The following SACS variants were observed in gnomAD, a reference collection of about 807,000 sequenced individuals.
SACS encodes the protein sacsin molecular chaperone.
SACS carries 197 observed loss-of-function variants against 348.0 expected under a neutral mutation model. That is an observed-to-expected ratio of 0.57 (90% CI 0.50 to 0.64). SACS has a LOEUF of 0.64. Ranked by LOEUF, SACS falls within the 30% of genes least tolerant of loss-of-function variation. The pLI is 0.00. For synonymous variants in SACS, 1,985 were observed against 1,910.6 expected, an observed-to-expected ratio of 1.04 and a Z score of -1.02; for missense variants, 4,999 against 5,360.8, an observed-to-expected ratio of 0.93 and a Z score of 2.11.
intron 9 of SACS, among the ~76,000 whole-genome samples, chr13:23,351,041 ACAATAAT>A (rs908263440): frequency 5.3e-5 from 8 of 152,192 alleles, no homozygotes; most frequent in Admixed American, 5.2e-4. Context: ...CTCCAATATC[ACAATAAT>A]CAGTGACAGA....
intron 5 of SACS, among the ~76,000 whole-genome samples, chr13:23,366,235 A>T (rs905300193): frequency 1.3e-5 from 2 of 152,234 alleles, no homozygotes; most frequent in African/African-American, 4.8e-5. Flanking sequence ...TGGTACGATG[A>T]CTACATGAAA....
At chr13:23,387,091 G>A (rs537587148) in intron 2 of SACS, among the ~76,000 whole-genome samples, 1 of 152,140 alleles carries the variant, frequency 6.6e-6, no homozygotes, top group Non-Finnish European at 1.5e-5. Context: ...ACACGCTAAC[G>A]GAGCACTTGC....
intron 1 of SACS, among the ~76,000 whole-genome samples, chr13:23,414,173 G>C (rs985597884): frequency 6.6e-6 from 1 of 152,072 alleles, no homozygotes; most frequent in African/African-American, 2.4e-5. Context: ...GCGTGGTGGC[G>C]GGCACCTGTA....
At chr13:23,351,482 AGTT>A (rs1869956533) in intron 9 of SACS, among the ~76,000 whole-genome samples, 1 of 152,162 alleles carries the variant, frequency 6.6e-6, no homozygotes, top group African/African-American at 2.4e-5. Flanking sequence ...AAGAGCTGAT[AGTT>A]TTATAAGGGA....
rs1566053000 is a variant in SACS at position 23,329,462 on chromosome 13, G to A, written c.*674C>T. On this transcript the variant is annotated 3_prime_UTR_variant, in exon 10 of 10. Coordinates refer to ENST00000382292, the MANE Select transcript of SACS (RefSeq NM_014363.6). Reference sequence around the variant, plus strand: ...CTGCCACCATTTTGAGTTTTCCGTTGCTATCTTCATCAAACAGGAAGCCTG... The same window carrying A: ...CTGCCACCATTTTGAGTTTTCCGTTACTATCTTCATCAAACAGGAAGCCTG... The A allele has an allele frequency of 2.6e-6, 2 of 768,044 alleles. No individual in the cohort carries two copies. The highest frequency in any genetic ancestry group is 4.9e-5 in the East Asian group (2 of 40,914). 47.6% of individuals were successfully genotyped at this position (768,044 alleles called of 1,614,324 possible).
Position 23,334,944 on chromosome 13 carries a change from C to T in SACS, c.8932G>A (p.Val2978Met). ...LDLQPDLYCLVKALYNCIHED... is the reference protein window; with the variant it reads ...LDLQPDLYCLMKALYNCIHED... ...TGAATGCAATTGTAAAGTGCTTTCACTAGACAATATAAATCTGGCTGTAGA... is the reference window on the plus strand; with the variant it reads ...TGAATGCAATTGTAAAGTGCTTTCATTAGACAATATAAATCTGGCTGTAGA... Residue 2978 changes from valine (V) to methionine (M), a missense_variant, in exon 10 of 10, where the codon GTG becomes ATG. Val to Met is a conservative substitution (Grantham distance 21, BLOSUM62 1). Around this residue, in one of 6 missense-constraint regions of SACS, gnomAD observed 734 missense variants for 694.0 expected, o/e 1.06. Coordinates refer to ENST00000382292, the MANE Select transcript of SACS (RefSeq NM_014363.6). The T allele has an allele frequency of 6.2e-7, 1 of 1,613,832 alleles. No homozygotes were observed. The highest frequency in any genetic ancestry group is 1.1e-5 in the South Asian group (1 of 91,072).
Position 23,331,879 on chromosome 13 carries a change from T to C in SACS, c.11997A>G (p.Gln3999=), listed in dbSNP as rs986650862. 1.4e-5 allele frequency: 22 copies of C among 1,613,970 alleles called. No individual in the cohort carries two copies. In the African/African-American group the frequency reaches 2.9e-4, roughly 22 times the overall value. The change falls in exon 10 of 10, where the codon CAA becomes CAG. Residue 3999 remains glutamine, a synonymous_variant. Coordinates refer to ENST00000382292, the MANE Select transcript of SACS (RefSeq NM_014363.6). ...VCQFGALCSL[Q]GRLQLLLSSE... is the part of the protein sequence containing the mutation. Reference sequence around the variant, plus strand: ...AAGACAAGAGTAACTGCAATCTTCCTTGAAGAGAACACAACGCTCCAAACT... The same window carrying C: ...AAGACAAGAGTAACTGCAATCTTCCCTGAAGAGAACACAACGCTCCAAACT...
chr13:23,376,058 G>A (rs955781314), intron 2 of SACS, among the ~76,000 whole-genome samples: 4 of 152,066 alleles, frequency 2.6e-5, no homozygotes, highest in African/African-American at 7.2e-5. Flanking sequence ...CGGTTTTTGA[G>A]GCACAGAAGT....
chr13:23,345,496 C>CT (rs1407864504), intron 9 of SACS, among the ~76,000 whole-genome samples: 2 of 152,204 alleles, frequency 1.3e-5, no homozygotes, highest in African/African-American at 4.8e-5. Context: ...CACTGACACT[C>CT]TGACTTCTTA....
intron 6 of SACS, among the ~76,000 whole-genome samples, chr13:23,361,367 A>C (rs1256266949): frequency 6.6e-6 from 1 of 152,218 alleles, no homozygotes; most frequent in Non-Finnish European, 1.5e-5. Flanking sequence ...TGCTGTAATC[A>C]ACTCAGTCTC....
intron 1 of SACS, among the ~76,000 whole-genome samples, chr13:23,416,205 C>T (rs1873683959): frequency 1.3e-5 from 2 of 149,918 alleles, no homozygotes; most frequent in South Asian, 4.2e-4. Flanking sequence ...TCACTTGAAC[C>T]CACTAGGCGG....
chr13:23,330,526 C>T lies in SACS; in HGVS notation c.13350G>A (p.Trp4450Ter). Residue 4450 changes from tryptophan to a stop codon, truncating the protein, a stop_gained, in exon 10 of 10, where the codon TGG becomes TGA. Coordinates refer to ENST00000382292, the MANE Select transcript of SACS (RefSeq NM_014363.6). LOFTEE classifies it high-confidence loss of function. ...AGAAGTTTGCTCTGGCTTGTCTTAG[C>T]CATCTGCGTGCTTCCACTGGATTGC... ...SVGNPVEARRWLRQARANFSA... is the reference protein window; with the variant it reads ...SVGNPVEARR The T allele has an allele frequency of 6.2e-7, 1 of 1,614,146 alleles. No homozygotes were observed. Among genetic ancestry groups the T allele is most frequent in the Non-Finnish European group, 8.5e-7 (1 of 1,180,016 alleles).
intron 2 of SACS, among the ~76,000 whole-genome samples, chr13:23,386,007 G>A (rs902780267): frequency 2.0e-5 from 3 of 152,220 alleles, no homozygotes; most frequent in African/African-American, 7.2e-5. Flanking sequence ...AAACCATGCT[G>A]TAAATGGATG....
chr13:23,357,054 T>A (rs1361825292), intron 7 of SACS, among the ~76,000 whole-genome samples: 1 of 152,226 alleles, frequency 6.6e-6, no homozygotes, highest in Non-Finnish European at 1.5e-5. Context: ...CTATGACCTA[T>A]GACCTTCTCA....
chr13:23,419,642 G>A (rs897058238), intron 1 of SACS, among the ~76,000 whole-genome samples: 2 of 152,076 alleles, frequency 1.3e-5, no homozygotes, highest in South Asian at 2.1e-4. Context: ...ATTCGAATCT[G>A]TGCGTCTTCT....
At chr13:23,362,920 T>G in intron 6 of SACS, among the ~76,000 whole-genome samples, 1 of 151,310 alleles carries the variant, frequency 6.6e-6, no homozygotes, top group Non-Finnish European at 1.5e-5. Flanking sequence ...TGTATGTATT[T>G]ATTTTTGAGA....
rs1022924876 is a variant in SACS at position 23,331,002 on chromosome 13, G to A, written c.12874C>T (p.His4292Tyr). The change falls in exon 10 of 10, where the codon CAT (histidine) becomes TAT (tyrosine). Residue 4292 changes from histidine (H) to tyrosine (Y), a missense_variant. Physicochemically the swap from His to Tyr is moderately conservative, Grantham distance 83. Around this residue, in one of 6 missense-constraint regions of SACS, gnomAD observed 831 missense variants for 941.8 expected, o/e 0.88. Transcript: ENST00000382292. Reference protein sequence around the residue: ...GRESHKTSSKHQSPKKLKVNS... With the variant: ...GRESHKTSSKYQSPKKLKVNS... ...ACCTTAAGCTTTTTGGGGGACTGAT[G>A]TTTGGAAGAAGTCTTGTGGCTCTCT... 6.2e-7 allele frequency: 1 copy of A among 1,614,100 alleles called. No individual in the cohort carries two copies. Among genetic ancestry groups the A allele is most frequent in the Non-Finnish European group, 8.5e-7 (1 of 1,179,990 alleles).
At chr13:23,416,953 A>T (rs1873714325) in intron 1 of SACS, among the ~76,000 whole-genome samples, 1 of 152,124 alleles carries the variant, frequency 6.6e-6, no homozygotes, top group South Asian at 2.1e-4. Context: ...ATCACTATTC[A>T]TGGATAGAGT....
rs189201805 is a variant in SACS, at chr13:23,353,269, G to A, written c.2185+516C>T. On this transcript the variant is annotated intron_variant, in intron 9 of 9. Transcript: ENST00000382292. ...TAATTGGATTTGTCCACACTTCCCA[G>A]AAGCTGATCAAGCCTAATGCAAACC... Among the ~76,000 whole-genome samples, 3 of 152,252 alleles carry A rather than the reference G, an allele frequency of 2.0e-5. No individual in the cohort carries two copies. In the East Asian group the frequency reaches 5.8e-4, roughly 29 times the overall value.
Sources: allele counts gnomAD v4.1 joint callset (sites outside exome capture counted in the v4.1 genomes callset), GRCh38; gene constraint gnomAD v4.1.1; regional missense constraint gnomAD v4.1.1; transcripts MANE v1.5; gene names NCBI Gene and HGNC (gene_info 2026-07-23, HGNC 2026-07-21).